The following PTPRK variants were observed in gnomAD, a reference collection of about 807,000 sequenced individuals.
The protein encoded by PTPRK is receptor-type tyrosine-protein phosphatase kappa.
In PTPRK, 75 loss-of-function variants were observed where a neutral mutation model predicts 178.0. The ratio of observed to expected loss-of-function variants is 0.42; its 90% CI spans 0.35 to 0.51. PTPRK has a LOEUF of 0.51. PTPRK is among the 20% of genes least tolerant of loss of function. The pLI, the probability that PTPRK is intolerant of heterozygous loss-of-function variation, is 0.02. For synonymous variants in PTPRK, 637 were observed against 620.6 expected (o/e 1.03, Z -0.39); for missense variants, 1,441 against 1,797.8 (o/e 0.80, Z 3.59).
At chr6:128,270,113 C>T (rs995430234) in intron 3 of PTPRK, among the ~76,000 whole-genome samples, 1 of 151,952 alleles carries the variant, frequency 6.6e-6, no homozygotes, top group Non-Finnish European at 1.5e-5. Context: ...AACAAGATAG[C>T]TGTAAAGGGG....
chr6:128,313,997 C>G (rs1256640383), intron 3 of PTPRK, among the ~76,000 whole-genome samples: 1 of 152,070 alleles, frequency 6.6e-6, no homozygotes, highest in Admixed American at 6.6e-5. Context: ...AAAAAGGTAA[C>G]CTTTGACCTC....
rs748866391 is a variant in PTPRK, at chr6:127,995,307, C to T, written c.2844+155G>A. On this transcript the variant is annotated intron_variant, in intron 18 of 29. Transcript: ENST00000368226. ...AAGTCAGGTGTGAAAGAAAGCACAA[C>T]AATGTCAGTAAGTACTAGGACGCAG... 3.7e-6 allele frequency: 6 copies of T among 1,603,114 alleles called. No homozygotes were observed. The Admixed American group carries it at 8.5e-5, about 23-fold the overall frequency.
intron 3 of PTPRK, among the ~76,000 whole-genome samples, chr6:128,258,085 A>C (rs1817616666): frequency 6.6e-6 from 1 of 152,130 alleles, no homozygotes; most frequent in Admixed American, 6.6e-5. Context: ...TGATAATTTG[A>C]GGGGATACAC....
chr6:128,090,216 C>T (rs144211545), intron 7 of PTPRK, among the ~76,000 whole-genome samples: 12 of 152,168 alleles, frequency 7.9e-5, no homozygotes, highest in African/African-American at 2.9e-4. Flanking sequence ...GTCAACAACC[C>T]ACGGTACTCA....
intron 3 of PTPRK, among the ~76,000 whole-genome samples, chr6:128,288,814 C>T (rs1158585808): frequency 1.3e-5 from 2 of 152,094 alleles, no homozygotes; most frequent in African/African-American, 4.8e-5. Flanking sequence ...TGGAACCTAG[C>T]TTTGAAAACT....
At chr6:128,348,975 G>C (rs1443800648) in intron 2 of PTPRK, among the ~76,000 whole-genome samples, 1 of 152,044 alleles carries the variant, frequency 6.6e-6, no homozygotes, top group Non-Finnish European at 1.5e-5. Context: ...TAATTGCTAA[G>C]GGCTTTTGCA....
chr6:128,464,665 A>ATG (rs1280091028), intron 1 of PTPRK, among the ~76,000 whole-genome samples: 5 of 119,916 alleles, frequency 4.2e-5, no homozygotes, highest in South Asian at 2.6e-4. Context: ...ATATATATAT[A>ATG]TATATATATA....
At chr6:128,055,814 T>C (rs1198443045) in intron 13 of PTPRK, among the ~76,000 whole-genome samples, 3 of 151,954 alleles carry the variant, frequency 2.0e-5, no homozygotes, top group Non-Finnish European at 2.9e-5. Flanking sequence ...GTTGCACAGG[T>C]TGATCTCAAA....
At chr6:128,208,298 C>CAAA (rs3058186) in intron 6 of PTPRK, among the ~76,000 whole-genome samples, 9 of 105,042 alleles carry the variant, frequency 8.6e-5, no homozygotes, top group East Asian at 4.8e-4. Context: ...CCTACACCCT[C>CAAA]AAAAAAAAAA....
intron 1 of PTPRK, among the ~76,000 whole-genome samples, chr6:128,431,946 T>C (rs531930675): frequency 8.1e-4 from 123 of 152,064 alleles, no homozygotes; most frequent in Non-Finnish European, 1.6e-3. Flanking sequence ...TGTAATATTA[T>C]TTATGTTCTT....
At chr6:128,271,390 T>A (rs936134988) in intron 3 of PTPRK, among the ~76,000 whole-genome samples, 1 of 152,236 alleles carries the variant, frequency 6.6e-6, no homozygotes, top group Non-Finnish European at 1.5e-5. Flanking sequence ...CCTTGGTTCT[T>A]AAATCAAGAT....
intron 1 of PTPRK, among the ~76,000 whole-genome samples, chr6:128,469,589 A>T (rs1850341206): frequency 6.6e-6 from 1 of 152,188 alleles, no homozygotes; most frequent in Non-Finnish European, 1.5e-5. Context: ...TTTTTATTTT[A>T]ATGTGAATAT....
At chr6:128,088,391 A>C (rs1270793761) in intron 8 of PTPRK, among the ~76,000 whole-genome samples, 1 of 151,804 alleles carries the variant, frequency 6.6e-6, no homozygotes, top group Non-Finnish European at 1.5e-5. Flanking sequence ...AAAAAAGAAA[A>C]GAAAAGAAAA....
intron 8 of PTPRK, chr6:128,085,099 T>C (rs1404050073): frequency 6.6e-6 from 1 of 152,216 alleles, no homozygotes; most frequent in African/African-American, 2.4e-5. Context: ...AATGATACTA[T>C]GACCTCTGAG....
At chr6:128,193,280 G>GA (rs778872277) in intron 6 of PTPRK, among the ~76,000 whole-genome samples, 37,066 of 57,200 alleles carry the variant, frequency 0.65, 13,127 homozygotes, top group Non-Finnish European at 0.74. Context: ...TCCAGCTTGT[G>GA]AAAAAAAAAA....
intron 15 of PTPRK, among the ~76,000 whole-genome samples, chr6:128,003,607 C>T (rs1320683921): frequency 2.0e-5 from 3 of 151,702 alleles, no homozygotes; most frequent in Non-Finnish European, 4.4e-5. Context: ...TAGATTTAAT[C>T]CTTTCTCTAA....
At chr6:128,273,411 C>G (rs1820208001) in intron 3 of PTPRK, among the ~76,000 whole-genome samples, 1 of 151,998 alleles carries the variant, frequency 6.6e-6, no homozygotes, top group Non-Finnish European at 1.5e-5. Flanking sequence ...CAACTGTTTA[C>G]AGAAAGCAGT....
intron 13 of PTPRK, among the ~76,000 whole-genome samples, chr6:128,040,664 G>C (rs574074325): frequency 7.9e-5 from 12 of 152,208 alleles, no homozygotes; most frequent in Non-Finnish European, 1.5e-4. Context: ...GTAAGGGTTA[G>C]TAATACTCAT....
chr6:128,476,444 T>C (rs934969748), intron 1 of PTPRK, among the ~76,000 whole-genome samples: 2 of 152,086 alleles, frequency 1.3e-5, no homozygotes, highest in African/African-American at 4.8e-5. Context: ...TTGCTCATGA[T>C]ATGTTCAGAA....
Sources: allele counts gnomAD v4.1 joint callset (sites outside exome capture counted in the v4.1 genomes callset), GRCh38; gene constraint gnomAD v4.1.1; transcripts MANE v1.5; gene names NCBI Gene and HGNC (gene_info 2026-07-23, HGNC 2026-07-21).